DDR2: variants seen among roughly 807,000 people sequenced by gnomAD.
The protein encoded by DDR2 is discoidin domain receptor tyrosine kinase 2, also known as discoidin domain-containing receptor 2.
Under a neutral mutation model 94.9 loss-of-function variants are expected in DDR2, and 27 were observed. The observed-to-expected ratio is 0.28, with a 90% CI of 0.21 to 0.39. The LOEUF is 0.39. Ranked by LOEUF, DDR2 falls within the 10% of genes least tolerant of loss-of-function variation. The probability of loss-of-function intolerance (pLI) is 1.00; values close to 1 mark genes in which losing one functional copy is unlikely to be tolerated. For missense variants in DDR2, 783 were observed against 1,076.0 expected, an observed-to-expected ratio of 0.73 and a Z score of 3.81; for synonymous variants, 382 against 377.2, an observed-to-expected ratio of 1.01 and a Z score of -0.15.
At chr1:162,679,077 G>C (rs1386862956) in intron 2 of DDR2, among the ~76,000 whole-genome samples, 1 of 151,296 alleles carries the variant, frequency 6.6e-6, no homozygotes, top group Non-Finnish European at 1.5e-5. Flanking sequence ...TTTAGTTTCA[G>C]TGGTATCTGT....
In DDR2 at chr1:162,770,361, T is replaced by G. The variant is rs759110059; in HGVS notation, c.1353T>G (p.Ser451=). The change falls in exon 12 of 18, where the codon TCT becomes TCG. Residue 451 remains serine, a synonymous_variant. Transcript: ENST00000367921. ...TCAGCCTTTCCCTGCCAAGTGATTC[T>G]AGCATGTTCAACAATAACCGCTCCT... is the stretch of plus-strand genomic sequence containing the variant. ...MTVSLSLPSD[S]SMFNNNRSSS... 2.5e-6 allele frequency: 4 copies of G among 1,614,136 alleles called. No individual in the cohort carries two copies. In the Admixed American group the frequency reaches 6.7e-5, roughly 27 times the overall value.
chr1:162,693,657 C>T, intron 2 of DDR2, among the ~76,000 whole-genome samples: 1 of 152,092 alleles, frequency 6.6e-6, no homozygotes, highest in East Asian at 1.9e-4. Context: ...AATAATGGAG[C>T]TGGGCTGAGG....
chr1:162,756,891 A>G (rs745406708), intron 7 of DDR2, among the ~76,000 whole-genome samples: 1 of 152,214 alleles, frequency 6.6e-6, no homozygotes, highest in Non-Finnish European at 1.5e-5. Context: ...GATCAACCGA[A>G]TTCAGTTTAA....
intron 3 of DDR2, among the ~76,000 whole-genome samples, chr1:162,751,842 T>A (rs1663218452): frequency 6.6e-6 from 1 of 152,236 alleles, no homozygotes; most frequent in Non-Finnish European, 1.5e-5. Flanking sequence ...TTCTTGTCCT[T>A]TGTAGGGACA....
At chr1:162,717,048 G>GT (rs200748997) in intron 2 of DDR2, among the ~76,000 whole-genome samples, 4,616 of 144,648 alleles carry the variant, frequency 0.032, 71 homozygotes, top group Middle Eastern at 0.088. Flanking sequence ...TTCTAGAACA[G>GT]TTTTTTTTTT....
intron 2 of DDR2, among the ~76,000 whole-genome samples, chr1:162,680,314 T>C (rs1363826321): frequency 1.3e-5 from 2 of 152,196 alleles, no homozygotes; most frequent in African/African-American, 4.8e-5. Context: ...TCGTATGTGG[T>C]ATATAAGATA....
rs1415625173 is a variant in DDR2, at chr1:162,760,518, GTATATACATATACAACTAGAT to G, written c.855+540_855+560del. ...TATATACATATACAACTATATATATGTATATACATATACAACTAGATATATGTATATACATATACAACTAGA... is the reference window on the plus strand; with the variant it reads ...TATATACATATACAACTATATATATGATATGTATATACATATACAACTAGA... On this transcript the variant is annotated intron_variant, in intron 8 of 17. Transcript: ENST00000367921. Among the ~76,000 whole-genome samples, 10 of 88,116 alleles carry G rather than the reference GTATATACATATACAACTAGAT, an allele frequency of 1.1e-4. 2 individuals are homozygous for G. Among genetic ancestry groups the G allele is most frequent in the South Asian group, 3.9e-4 (1 of 2,558 alleles). The allele number at this position is 88,116 out of a possible 152,430, so 57.8% of individuals were successfully genotyped here.
chr1:162,719,869 G>A (rs1661341834), intron 3 of DDR2, among the ~76,000 whole-genome samples: 1 of 152,060 alleles, frequency 6.6e-6, no homozygotes, highest in Non-Finnish European at 1.5e-5. Flanking sequence ...CTGGCTATTG[G>A]CTCATCTAGG....
In DDR2 at chr1:162,780,241, G is replaced by A. The variant is rs138798285; in HGVS notation, c.2563G>A (p.Glu855Lys). The A allele has an allele frequency of 5.6e-6, 9 of 1,613,668 alleles. No homozygotes were observed. Among genetic ancestry groups the A allele is most frequent in the South Asian group, 2.2e-5 (2 of 91,078 alleles). ...CCTTCTGCTCCTTCAACAAGGCGAC[G>A]AGTGATGCTGTCAGTGCCTGGCCAT... ...IHLLLLQQGD[E>K] The change falls in exon 18 of 18, where the codon GAG (glutamate) becomes AAG (lysine). Residue 855 changes from glutamate (E) to lysine (K), a missense_variant. Around this residue, in one of 2 missense-constraint regions of DDR2, gnomAD observed 264 missense variants for 428.2 expected, o/e 0.62. Coordinates refer to ENST00000367921, the MANE Select transcript of DDR2 (RefSeq NM_006182.4).
chr1:162,773,093 T>C (rs1647314664), intron 13 of DDR2, among the ~76,000 whole-genome samples: 1 of 152,212 alleles, frequency 6.6e-6, no homozygotes, highest in Non-Finnish European at 1.5e-5. Flanking sequence ...TACTAAGGGA[T>C]TATTTTAGGA....
chr1:162,712,128 G>T (rs1442341718), intron 2 of DDR2, among the ~76,000 whole-genome samples: 1 of 150,962 alleles, frequency 6.6e-6, no homozygotes, highest in African/African-American at 2.4e-5. Context: ...AGCTTGTTTT[G>T]GGAAATGATC....
At chr1:162,738,221 C>T (rs1281737219) in intron 3 of DDR2, among the ~76,000 whole-genome samples, 2 of 96,270 alleles carry the variant, frequency 2.1e-5, no homozygotes, top group African/African-American at 8.4e-5. Flanking sequence ...TTGTCTCAGC[C>T]CAAAATCTCC....
rs1255112211 is a variant in DDR2, at chr1:162,785,450, A to G, written c.*5204A>G. 1 of 152,236 alleles carries G rather than the reference A, an allele frequency of 6.6e-6. No individual in the cohort carries two copies. Among genetic ancestry groups the G allele is most frequent in the East Asian group, 1.9e-4 (1 of 5,200 alleles). The allele number at this position is 152,236 out of a possible 1,614,324, so 9.4% of individuals were successfully genotyped here. A position where few individuals can be genotyped will look rare whatever the true frequency, so the allele number is the denominator to read the frequency against. ...CGTTATTAAATGGAATAACAACCAC[A>G]TTAGACCAAATTAATTGCAAACACA... On this transcript the variant is annotated 3_prime_UTR_variant, in exon 18 of 18. Transcript: ENST00000367921.
intron 16 of DDR2, among the ~76,000 whole-genome samples, chr1:162,777,542 C>T (rs1005883591): frequency 2.6e-5 from 4 of 152,066 alleles, no homozygotes; most frequent in African/African-American, 9.7e-5. Flanking sequence ...ATATTTTACC[C>T]ATTTCTAATG....
At chr1:162,735,678 CT>C (rs1662264737) in intron 3 of DDR2, among the ~76,000 whole-genome samples, 1 of 152,162 alleles carries the variant, frequency 6.6e-6, no homozygotes, top group East Asian at 1.9e-4. Flanking sequence ...ATGGATCTAC[CT>C]CCACATCTGT....
chr1:162,684,600 T>C (rs1659577581), intron 2 of DDR2, among the ~76,000 whole-genome samples: 1 of 152,138 alleles, frequency 6.6e-6, no homozygotes, highest in Non-Finnish European at 1.5e-5. Context: ...CTGAGAAGTC[T>C]GTGAATAAGA....
chr1:162,699,433 CTG>C (rs1660332961), intron 2 of DDR2, among the ~76,000 whole-genome samples: 1 of 152,164 alleles, frequency 6.6e-6, no homozygotes, highest in South Asian at 2.1e-4. Context: ...TTGTCTTGTA[CTG>C]TGAACCCAAA....
At chr1:162,714,743 T>C (rs1260196787) in intron 2 of DDR2, among the ~76,000 whole-genome samples, 1 of 152,214 alleles carries the variant, frequency 6.6e-6, no homozygotes, top group African/African-American at 2.4e-5. Context: ...TCTTATGTAC[T>C]ATAAGTTCCA....
chr1:162,679,003 C>G (rs2101952875), intron 2 of DDR2, among the ~76,000 whole-genome samples: 1 of 151,022 alleles, frequency 6.6e-6, no homozygotes, highest in East Asian at 1.9e-4. Flanking sequence ...GTGGTGTCTA[C>G]AGTACTAAGG....
Sources: gnomAD v4.1 joint callset for allele counts (sites outside exome capture counted in the v4.1 genomes callset) on GRCh38, gnomAD v4.1.1 for gene constraint, gnomAD v4.1.1 regional missense constraint, MANE v1.5 for transcripts, NCBI Gene and HGNC (gene_info 2026-07-23, HGNC 2026-07-21) for gene names.